ZNF516: variants seen among roughly 807,000 people sequenced by gnomAD.
The protein encoded by ZNF516 is zinc finger protein 516.
A neutral mutation model predicts 79.7 loss-of-function variants in ZNF516; 19 were observed. That is an observed-to-expected ratio of 0.24 (90% CI 0.17 to 0.35). The LOEUF (loss-of-function observed/expected upper bound fraction) is 0.35, where lower values mean the gene tolerates loss of function less well. ZNF516 is among the 10% of genes least tolerant of loss of function. The pLI is 1.00. For missense variants in ZNF516, 1,678 were observed against 1,679.5 expected (o/e 1.00, Z 0.02); for synonymous variants, 877 against 739.5 (o/e 1.19, Z -3.02).
chr18:76,375,274 G>A (rs940369090), intron 4 of ZNF516, among the ~76,000 whole-genome samples: 1 of 152,208 alleles, frequency 6.6e-6, no homozygotes, highest in African/African-American at 2.4e-5. Context: ...AGACCAAATA[G>A]AGGATGGATG....
chr18:76,495,698 A>C, upstream of ZNF516: 1 of 1,191,580 alleles, frequency 8.4e-7, no homozygotes, highest in African/African-American at 1.7e-5. Context: ...ATACGTACAG[A>C]CGTGCTCGGG....
At chr18:76,490,055 A>G (rs1387681700) in intron 1 of ZNF516, 1 of 496,648 alleles carries the variant, frequency 2.0e-6, no homozygotes, top group Non-Finnish European at 2.6e-6. Context: ...AAGCCCTACT[A>G]ATGAATTAAG....
chr18:76,399,041 A>C (rs1599182083), intron 3 of ZNF516, among the ~76,000 whole-genome samples: 1 of 152,126 alleles, frequency 6.6e-6, no homozygotes, highest in Non-Finnish European at 1.5e-5. Context: ...AGGAAGGCGG[A>C]TTTCCCCGAG....
intron 3 of ZNF516, among the ~76,000 whole-genome samples, chr18:76,396,494 A>T (rs888939138): frequency 1.3e-5 from 2 of 152,210 alleles, no homozygotes; most frequent in African/African-American, 4.8e-5. Context: ...TATAACAGAC[A>T]TGACTAGTTA....
In ZNF516 at chr18:76,459,992, C is replaced by G. The variant is rs1157958321; in HGVS notation, c.-158+3036G>C. On this transcript the variant is annotated intron_variant, in intron 2 of 6. Coordinates refer to ENST00000443185, the MANE Select transcript of ZNF516 (RefSeq NM_014643.4). The surrounding 1 kb of genome is among the most constrained non-coding windows in gnomAD (Gnocchi z 5.0). ...GCACTAGAATGCAGTCTTTTAACCA[C>G]TATCAACATACGCCAAGGAATGCTT... 6.6e-6 allele frequency among the ~76,000 whole-genome samples: 1 copy of G among 152,222 alleles called. No homozygotes were observed. Among genetic ancestry groups the G allele is most frequent in the African/African-American group, 2.4e-5 (1 of 41,452 alleles).
chr18:76,431,903 C>T (rs1416648960), intron 3 of ZNF516, among the ~76,000 whole-genome samples: 3 of 152,220 alleles, frequency 2.0e-5, no homozygotes, highest in Non-Finnish European at 4.4e-5. Flanking sequence ...TGGACTAACA[C>T]GCAGTGCACC....
At chr18:76,437,262 G>C (rs9950041) in intron 3 of ZNF516, among the ~76,000 whole-genome samples, 1 of 152,100 alleles carries the variant, frequency 6.6e-6, no homozygotes, top group Non-Finnish European at 1.5e-5. Flanking sequence ...CTCCAAGCAC[G>C]TGCTCAGCAA....
At chr18:76,454,246 T>C (rs1912588029) in intron 2 of ZNF516, among the ~76,000 whole-genome samples, 1 of 152,216 alleles carries the variant, frequency 6.6e-6, no homozygotes, top group African/African-American at 2.4e-5. Flanking sequence ...ACGTCAATAA[T>C]CAATTTTACC....
intron 2 of ZNF516, among the ~76,000 whole-genome samples, chr18:76,452,319 A>G (rs914410852): frequency 3.9e-5 from 6 of 152,162 alleles, no homozygotes; most frequent in African/African-American, 1.2e-4. Context: ...AGTGAAGGAG[A>G]ATGACAAAGC....
intron 3 of ZNF516, among the ~76,000 whole-genome samples, chr18:76,397,898 T>C (rs1207205617): frequency 1.3e-5 from 2 of 152,236 alleles, no homozygotes; most frequent in African/African-American, 4.8e-5. Flanking sequence ...CCCCCAGCCT[T>C]GGAAGCTGTA....
At chr18:76,454,325 T>C (rs1048109575) in intron 2 of ZNF516, among the ~76,000 whole-genome samples, 2 of 152,238 alleles carry the variant, frequency 1.3e-5, no homozygotes, top group African/African-American at 4.8e-5. Context: ...ACTAAGAAGA[T>C]TTTGATAGGA....
intron 1 of ZNF516, chr18:76,492,857 A>G (rs1163880806): frequency 1.0e-6 from 1 of 985,684 alleles, no homozygotes; most frequent in Non-Finnish European, 1.2e-6. Context: ...ATGTAGCCGA[A>G]CTGACTCGAA....
chr18:76,473,597 G>T (rs373097185), intron 1 of ZNF516, among the ~76,000 whole-genome samples: 4 of 151,842 alleles, frequency 2.6e-5, no homozygotes, highest in Middle Eastern at 3.2e-3. Flanking sequence ...GTCAGGAGAT[G>T]GAGACCATCC....
chr18:76,471,691 G>A (rs957382176), intron 1 of ZNF516, among the ~76,000 whole-genome samples: 5 of 152,042 alleles, frequency 3.3e-5, no homozygotes, highest in East Asian at 1.9e-4. Flanking sequence ...ATCGCTGAAC[G>A]GGAGATCCCA....
chr18:76,447,445 G>A (rs974945243), intron 2 of ZNF516, among the ~76,000 whole-genome samples: 2 of 152,178 alleles, frequency 1.3e-5, no homozygotes, highest in Admixed American at 6.5e-5. Flanking sequence ...AGACATTTCC[G>A]TCCTGGGCTG....
At chr18:76,380,674 G>A (rs573654978) in intron 3 of ZNF516, among the ~76,000 whole-genome samples, 8 of 152,176 alleles carry the variant, frequency 5.3e-5, no homozygotes, top group Non-Finnish European at 1.2e-4. Flanking sequence ...GACTTTCGAG[G>A]AACTCTACAT....
chr18:76,431,914 A>G (rs2075666373), intron 3 of ZNF516, among the ~76,000 whole-genome samples: 1 of 152,220 alleles, frequency 6.6e-6, no homozygotes, highest in African/African-American at 2.4e-5. Context: ...GCAGTGCACC[A>G]GCAGTGCCCC....
chr18:76,391,548 C>G (rs2075074791), intron 3 of ZNF516, among the ~76,000 whole-genome samples: 1 of 152,108 alleles, frequency 6.6e-6, no homozygotes, highest in South Asian at 2.1e-4. Flanking sequence ...CAACTCTAAC[C>G]CTAACCGCTC....
chr18:76,487,742 G>T (rs1914911401), intron 1 of ZNF516, among the ~76,000 whole-genome samples: 1 of 147,604 alleles, frequency 6.8e-6, no homozygotes, highest in Non-Finnish European at 1.5e-5. Flanking sequence ...CTATCAAAGA[G>T]AATGTCCTGC....
Sources: gnomAD v4.1 joint callset for allele counts (sites outside exome capture counted in the v4.1 genomes callset) on GRCh38, gnomAD v4.1.1 for gene constraint, Gnocchi (gnomAD v3.1) non-coding constraint, MANE v1.5 for transcripts, NCBI Gene and HGNC (gene_info 2026-07-23, HGNC 2026-07-21) for gene names.